The following CCNH variants were observed in gnomAD, a reference collection of about 807,000 sequenced individuals.
CCNH encodes cyclin-H.
CCNH carries 31 observed loss-of-function variants against 41.9 expected under a neutral mutation model. The observed-to-expected ratio is 0.74, with a 90% CI of 0.56 to 1.00. The LOEUF (loss-of-function observed/expected upper bound fraction) is 1.00. CCNH is among the 50% of genes least tolerant of loss of function. The pLI is 0.00. For synonymous variants in CCNH, 138 were observed against 136.1 expected (o/e 1.01, Z -0.10); for missense variants, 362 against 388.4 (o/e 0.93, Z 0.57).
intron 9 of CCNH, among the ~76,000 whole-genome samples, chr5:87,365,337 T>G (rs980676467): frequency 6.6e-6 from 1 of 152,180 alleles, no homozygotes; most frequent in African/African-American, 2.4e-5. Flanking sequence ...AAAGAATTGA[T>G]GCATAACACT....
chr5:87,344,082 G>A (rs1758670464), intron 9 of CCNH, among the ~76,000 whole-genome samples: 1 of 152,126 alleles, frequency 6.6e-6, no homozygotes, highest in African/African-American at 2.4e-5. Flanking sequence ...TAGCAGGGAA[G>A]GGGGGATACA....
At chr5:87,394,991 AC>A in intron 8 of CCNH, 52 bp downstream of exon 8, 1 of 1,612,276 alleles carries the variant, frequency 6.2e-7, no homozygotes, top group African/African-American at 1.3e-5. Flanking sequence ...GTATAGTCAC[AC>A]CAGAATGTAT....
At chr5:87,378,761 A>T (rs1761500231), upstream of CCNH, among the ~76,000 whole-genome samples, 1 of 152,196 alleles carries the variant, frequency 6.6e-6, no homozygotes, top group South Asian at 2.1e-4. Flanking sequence ...GTTGCACCAG[A>T]AATTCATGAA....
At chr5:87,325,090 G>A (rs1165984315) in intron 9 of CCNH, among the ~76,000 whole-genome samples, 1 of 152,096 alleles carries the variant, frequency 6.6e-6, no homozygotes, top group African/African-American at 2.4e-5. Flanking sequence ...GGAGGCCTCA[G>A]GAAACTTACA....
chr5:87,336,844 C>G (rs2112383174), intron 9 of CCNH, among the ~76,000 whole-genome samples: 1 of 151,982 alleles, frequency 6.6e-6, no homozygotes, highest in Non-Finnish European at 1.5e-5. Context: ...TATTGGCCAT[C>G]ATTAAGAAGG....
chr5:87,316,969 A>G (rs911424301), downstream of CCNH, among the ~76,000 whole-genome samples: 1 of 151,360 alleles, frequency 6.6e-6, no homozygotes. Flanking sequence ...TGCAACCTCT[A>G]CCTCCTGGAT....
intron 9 of CCNH, among the ~76,000 whole-genome samples, chr5:87,350,498 A>G (rs981920215): frequency 6.6e-6 from 1 of 151,828 alleles, no homozygotes; most frequent in Non-Finnish European, 1.5e-5. Context: ...AATAATTTAC[A>G]TGAATTTATT....
At chr5:87,346,490 G>C (rs1282460978) in intron 9 of CCNH, among the ~76,000 whole-genome samples, 2 of 151,814 alleles carry the variant, frequency 1.3e-5, no homozygotes, top group African/African-American at 4.8e-5. Context: ...ACTATCTTTA[G>C]TTGAAATTAA....
At chr5:87,328,829 T>C (rs1757412996) in intron 9 of CCNH, among the ~76,000 whole-genome samples, 1 of 152,182 alleles carries the variant, frequency 6.6e-6, no homozygotes, top group Admixed American at 6.5e-5. Context: ...TTAAAGGTTA[T>C]ATAGTATTTT....
chr5:87,396,049 A>G (rs977423984), intron 7 of CCNH, among the ~76,000 whole-genome samples: 1 of 152,164 alleles, frequency 6.6e-6, no homozygotes, highest in Non-Finnish European at 1.5e-5. Flanking sequence ...GAAAATAAGG[A>G]AAAAAATTCT....
At chr5:87,398,845 C>CG (rs1030100321) in intron 7 of CCNH, among the ~76,000 whole-genome samples, 3 of 151,848 alleles carry the variant, frequency 2.0e-5, no homozygotes, top group African/African-American at 7.3e-5. Flanking sequence ...TGGTGGAGGG[C>CG]GCCTGTAGTC....
At chr5:87,367,877 C>G (rs1760641745) in intron 9 of CCNH, among the ~76,000 whole-genome samples, 1 of 151,846 alleles carries the variant, frequency 6.6e-6, no homozygotes, top group Admixed American at 6.6e-5. Flanking sequence ...TTTGTCTTTT[C>G]TCTTAGAGGT....
intron 9 of CCNH, among the ~76,000 whole-genome samples, chr5:87,338,536 A>ATATATTTTTTTTTTTT: frequency 2.3e-5 from 2 of 85,216 alleles, no homozygotes; most frequent in African/African-American, 8.9e-5. Context: ...TATATATAAA[A>ATATATTTTTTTTTTTT]TTTTTTTTTT....
chr5:87,392,398 A>ACATGTCCCATGCTCCTTTT, downstream of CCNH: 1 of 454,536 alleles, frequency 2.2e-6, no homozygotes, highest in South Asian at 1.6e-5. Flanking sequence ...AAAAATCTCA[A>ACATGTCCCATGCTCCTTTT]CATGTCCCAT....
At chr5:87,350,012 A>G (rs1207345765) in intron 9 of CCNH, among the ~76,000 whole-genome samples, 4 of 151,890 alleles carry the variant, frequency 2.6e-5, no homozygotes, top group Non-Finnish European at 4.4e-5. Context: ...TCTATTTCCT[A>G]TTTCAGAGGC....
chr5:87,313,984 A>AGG (rs1756121877), downstream of CCNH, among the ~76,000 whole-genome samples: 3 of 151,914 alleles, frequency 2.0e-5, no homozygotes, highest in South Asian at 6.2e-4. Context: ...CCTGACCAAC[A>AGG]TGGAGAAACC....
At chr5:87,337,898 T>G in intron 9 of CCNH, 1 of 1,414,164 alleles carries the variant, frequency 7.1e-7, no homozygotes, top group Non-Finnish European at 9.5e-7. Context: ...CCCTATCCTA[T>G]TTTGTGGTAT....
intron 9 of CCNH, chr5:87,369,702 T>C (rs1179886940): frequency 1.3e-6 from 1 of 764,678 alleles, no homozygotes; most frequent in Non-Finnish European, 2.2e-6. Flanking sequence ...ATTATTTCTT[T>C]AAGAATTATA....
downstream of CCNH, chr5:87,394,090 C>CA (rs1197930081): frequency 4.5e-6 from 1 of 221,544 alleles, no homozygotes; most frequent in Non-Finnish European, 8.0e-6. Flanking sequence ...TTCTAGAGGG[C>CA]AAAACACATT....
Sources: gnomAD v4.1 joint callset for allele counts (sites outside exome capture counted in the v4.1 genomes callset) on GRCh38, gnomAD v4.1.1 for gene constraint, MANE v1.5 for transcripts, NCBI Gene and HGNC (gene_info 2026-07-23, HGNC 2026-07-21) for gene names.